MYO1A: variants seen among roughly 807,000 people sequenced by gnomAD.
The protein encoded by MYO1A is unconventional myosin-Ia.
In MYO1A, 127 loss-of-function variants were observed where a neutral mutation model predicts 138.5. That is an observed-to-expected ratio of 0.92 (90% CI 0.79 to 1.06). MYO1A has a LOEUF of 1.06. Ranked by LOEUF, MYO1A falls within the 50% of genes least tolerant of loss-of-function variation. The pLI is 0.00. For synonymous variants in MYO1A, 477 were observed against 497.5 expected, an observed-to-expected ratio of 0.96 and a Z score of 0.55; for missense variants, 1,211 against 1,288.8, an observed-to-expected ratio of 0.94 and a Z score of 0.92.
chr12:57,037,190 T>C, intron 19 of MYO1A, 99 bp from the exon 20 acceptor site: 1 of 1,407,398 alleles, frequency 7.1e-7, no homozygotes, highest in East Asian at 2.3e-5. Context: ...AGCCAGGCCT[T>C]ATTTGATCAT....
At position 57,048,028 on chromosome 12, in the gene MYO1A, T is replaced by C; in HGVS notation, c.191A>G (p.Lys64Arg). ...CTCATAGAAAGTATAGTCTTGATAT[T>C]TGGCAATGAACTCTGGCCCATAGAT... ...LPIYGPEFIA[K>R]YQDYTFYELK... Residue 64 changes from lysine (K) to arginine (R), a missense_variant, in exon 3 of 28, where the codon AAA becomes AGA. By Grantham distance (26) the Lys-to-Arg change is conservative. Coordinates refer to ENST00000300119, the MANE Select transcript of MYO1A (RefSeq NM_005379.4). 1.2e-6 allele frequency: 2 copies of C among 1,614,144 alleles called. No homozygotes were observed. The highest frequency in any genetic ancestry group is 2.2e-5 in the South Asian group (2 of 91,076).
rs764983499 is a variant in MYO1A, at chr12:57,038,630, G to A, written c.1542C>T (p.Tyr514=). 6.2e-7 allele frequency: 1 copy of A among 1,614,196 alleles called. No individual in the cohort carries two copies. The highest frequency in any genetic ancestry group is 1.1e-5 in the South Asian group (1 of 91,078). Residue 514 remains tyrosine (Y), a synonymous_variant, in exon 17 of 28, where the codon TAC becomes TAT. Transcript: ENST00000300119. ...RICHYAGKVT[Y]NVTSFIDKNN... ...TCTTGTCAATAAAGCTGGTCACGTT[G>A]TATGTCACCTGTAAAGGAGCAGCTA... is the stretch of plus-strand genomic sequence containing the variant.
rs1408750248 is a variant in MYO1A, at chr12:57,037,577, T to A, written c.2026A>T (p.Thr676Ser). 1 of 1,614,134 alleles carries A rather than the reference T, an allele frequency of 6.2e-7. No individual in the cohort carries two copies. Among genetic ancestry groups the A allele is most frequent in the Non-Finnish European group, 8.5e-7 (1 of 1,180,024 alleles). ...TTGGGGCTTCTAATGAAGATCTTTG[T>A]CTTGCCAAAGGCCAGCTCCCCCGAG... is the stretch of plus-strand genomic sequence containing the variant. ...MSSGELAFGK[T>S]KIFIRSPKTL... The change falls in exon 19 of 28, where the codon ACA becomes TCA. Residue 676 changes from threonine (T) to serine (S), a missense_variant. By Grantham distance (58) the Thr-to-Ser change is moderately conservative. Transcript: ENST00000300119.
rs1303055190 is a variant in MYO1A at position 57,038,035 on chromosome 12, G to GA, written c.1794dup (p.Gln599SerfsTer60). The GA allele has an allele frequency of 1.2e-6, 2 of 1,614,118 alleles. No individual in the cohort carries two copies. Among genetic ancestry groups the GA allele is most frequent in the Non-Finnish European group, 1.7e-6 (2 of 1,180,050 alleles). On this transcript the variant is annotated frameshift_variant, in exon 18 of 28. Coordinates refer to ENST00000300119, the MANE Select transcript of MYO1A (RefSeq NM_005379.4). LOFTEE classifies it high-confidence loss of function. ...GTTGCCACCAGGTCTGAAGAGAACT[G>GA]ACCTCGCTGCTGATGCTCATTGGGC...
Position 57,038,392 on chromosome 12 carries a change from C to T in MYO1A, c.1760+20G>A, listed in dbSNP as rs775619039. On this transcript the variant is annotated intron_variant, in intron 17 of 27. Coordinates refer to ENST00000300119, the MANE Select transcript of MYO1A (RefSeq NM_005379.4). ...TGCCATCACATATGTAGCATGTTCC[C>T]CTGCATGCCAGCATGTCACCTGATG... 3 of 1,612,064 alleles carry T rather than the reference C, an allele frequency of 1.9e-6. No individual in the cohort carries two copies. Among genetic ancestry groups the T allele is most frequent in the Admixed American group, 1.7e-5 (1 of 60,002 alleles).
chr12:57,029,097 G>C, intron 27 of MYO1A, 35 bp downstream of exon 27: 1 of 1,613,800 alleles, frequency 6.2e-7, no homozygotes, highest in Non-Finnish European at 8.5e-7. Flanking sequence ...GCCATCTACC[G>C]TAAGCCGCCC....
chr12:57,039,344 A>G, intron 14 of MYO1A, 70 bp from the exon 15 acceptor site: 1 of 1,180,400 alleles, frequency 8.5e-7, no homozygotes, highest in Non-Finnish European at 1.3e-6. Context: ...CACCAGATCT[A>G]GCCTTTCACC....
intron 1 of MYO1A, among the ~76,000 whole-genome samples, chr12:57,048,621 G>A (rs541481877): frequency 6.6e-6 from 1 of 152,306 alleles, no homozygotes; most frequent in African/African-American, 2.4e-5. Context: ...ACCACCAGGG[G>A]AAGGCAGGCA....
At chr12:57,048,457 C>T in intron 1 of MYO1A, 114 bp from the exon 2 acceptor site, 1 of 733,500 alleles carries the variant, frequency 1.4e-6, no homozygotes. Flanking sequence ...CTACCCTGGC[C>T]CTAAAGAGAG....
intron 22 of MYO1A, among the ~76,000 whole-genome samples, chr12:57,031,693 T>C (rs1350725442): frequency 8.5e-5 from 13 of 152,166 alleles, no homozygotes; most frequent in Admixed American, 6.5e-4. Context: ...GCCCAGAGCT[T>C]CAGAGCCCCC....
chr12:57,040,659 G>A (rs2136449479), intron 14 of MYO1A, among the ~76,000 whole-genome samples: 1 of 152,290 alleles, frequency 6.6e-6, no homozygotes, highest in East Asian at 1.9e-4. Flanking sequence ...GGGTTTTGAT[G>A]AGTGAGACTC....
intron 8 of MYO1A, among the ~76,000 whole-genome samples, chr12:57,044,542 C>T (rs1228114989): frequency 6.6e-6 from 1 of 152,158 alleles, no homozygotes; most frequent in Non-Finnish European, 1.5e-5. Flanking sequence ...GTGCATGCCA[C>T]CACGCCTGGC....
At chr12:57,040,500 A>C (rs966012996) in intron 14 of MYO1A, among the ~76,000 whole-genome samples, 6 of 152,236 alleles carry the variant, frequency 3.9e-5, no homozygotes, top group Non-Finnish European at 5.9e-5. Flanking sequence ...ATTTTGAAGC[A>C]TGGGAATGTA....
chr12:57,043,996 A>C lies in MYO1A; in HGVS notation c.752T>G (p.Met251Arg). 1 of 1,614,138 alleles carries C rather than the reference A, an allele frequency of 6.2e-7. No homozygotes were observed. Among genetic ancestry groups the C allele is most frequent in the Non-Finnish European group, 8.5e-7 (1 of 1,180,014 alleles). Residue 251 changes from methionine to arginine, a missense_variant, in exon 10 of 28, where the codon ATG (methionine) becomes AGG (arginine). By Grantham distance (91) the Met-to-Arg change is moderately conservative. Transcript: ENST00000300119. ...CTCCTCCGAGAACCCAATCACTGCC[A>C]TTGCACTCTTAGGCAGAAAGCAGAA... ...ASSFRAVQSA[M>R]AVIGFSEEEI...
chr12:57,051,190 G>C (rs2031320735), upstream of MYO1A: 1 of 152,224 alleles, frequency 6.6e-6, no homozygotes, highest in South Asian at 2.1e-4. Flanking sequence ...GCTGCTTGGT[G>C]CAAGGTCCAA....
At chr12:57,038,218 C>G in intron 17 of MYO1A, 149 bp from the exon 18 acceptor site, 1 of 1,112,436 alleles carries the variant, frequency 9.0e-7, no homozygotes, top group Non-Finnish European at 1.3e-6. Flanking sequence ...TCACTCACTT[C>G]TATGTATTCC....
chr12:57,035,857 T>C (rs2030514034), intron 22 of MYO1A, among the ~76,000 whole-genome samples: 2 of 152,190 alleles, frequency 1.3e-5, no homozygotes, highest in Non-Finnish European at 2.9e-5. Flanking sequence ...TTGCTGACAA[T>C]AGTTTCAGAG....
At position 57,029,600 on chromosome 12, in the gene MYO1A, C is replaced by T. The variant is rs2030166691; in HGVS notation, c.2725-13G>A. The T allele has an allele frequency of 2.5e-6, 4 of 1,614,222 alleles. No homozygotes were observed. The highest frequency in any genetic ancestry group is 1.3e-5 in the African/African-American group (1 of 75,052). ...TCCGAGAAGAAGTCTAGGGACGGAACAGGCAAGGGTGAGGAAAGGCAGGAT... is the reference window on the plus strand; with the variant it reads ...TCCGAGAAGAAGTCTAGGGACGGAATAGGCAAGGGTGAGGAAAGGCAGGAT... On this transcript the variant is annotated splice_polypyrimidine_tract_variant and intron_variant, in intron 25 of 27. Coordinates refer to ENST00000300119, the MANE Select transcript of MYO1A (RefSeq NM_005379.4).
At chr12:57,049,637 A>G (rs1268448055) in intron 1 of MYO1A, among the ~76,000 whole-genome samples, 1 of 152,238 alleles carries the variant, frequency 6.6e-6, no homozygotes, top group Non-Finnish European at 1.5e-5. Flanking sequence ...AGTGCTTACA[A>G]TATCCCCATG....
Sources: allele counts gnomAD v4.1 joint callset (sites outside exome capture counted in the v4.1 genomes callset), GRCh38; gene constraint gnomAD v4.1.1; transcripts MANE v1.5; gene names NCBI Gene and HGNC (gene_info 2026-07-23, HGNC 2026-07-21).